Variants in DLG2 observed in about 807,000 individuals in gnomAD.
The protein encoded by DLG2 is discs large MAGUK scaffold protein 2.
Under a neutral mutation model 132.5 loss-of-function variants are expected in DLG2, and 45 were observed. That is an observed-to-expected ratio of 0.34 (90% CI 0.27 to 0.44). The LOEUF is 0.44. Among genes scored for constraint, DLG2 ranks in the 20% least tolerant of loss-of-function variants. The pLI is 1.00. For synonymous variants in DLG2, 424 were observed against 419.6 expected (o/e 1.01, Z -0.13); for missense variants, 1,045 against 1,196.9 (o/e 0.87, Z 1.87).
At chr11:83,997,731 A>T (rs2094122129) in intron 11 of DLG2, among the ~76,000 whole-genome samples, 1 of 6,586 alleles carries the variant, frequency 1.5e-4, no homozygotes. Context: ...ACTCCATCTC[A>T]AAAAAAAAAA....
chr11:84,331,651 A>C (rs968599424), intron 7 of DLG2, among the ~76,000 whole-genome samples: 4 of 151,694 alleles, frequency 2.6e-5, no homozygotes, highest in Non-Finnish European at 5.9e-5. Context: ...TAAAATCCCC[A>C]TGTTGGTGAG....
At chr11:85,065,182 T>C (rs542360084) in intron 6 of DLG2, among the ~76,000 whole-genome samples, 1 of 151,476 alleles carries the variant, frequency 6.6e-6, no homozygotes, top group African/African-American at 2.4e-5. Context: ...TGTGTATCTT[T>C]TGAACACTAC....
At chr11:84,501,857 T>A (rs1300670876) in intron 7 of DLG2, among the ~76,000 whole-genome samples, 1 of 152,054 alleles carries the variant, frequency 6.6e-6, no homozygotes, top group East Asian at 1.9e-4. Context: ...AGAAAAACCA[T>A]GTGAATAAGG....
At chr11:84,741,561 G>A (rs1370635919) in intron 6 of DLG2, among the ~76,000 whole-genome samples, 1 of 151,714 alleles carries the variant, frequency 6.6e-6, no homozygotes, top group Admixed American at 6.6e-5. Flanking sequence ...AACATCACTA[G>A]TGTGAATTAC....
chr11:84,790,837 A>C (rs899006267), intron 6 of DLG2, among the ~76,000 whole-genome samples: 1 of 152,196 alleles, frequency 6.6e-6, no homozygotes, highest in African/African-American at 2.4e-5. Context: ...ATTCATTGAA[A>C]AGACTGTCCT....
chr11:85,442,032 A>C (rs2091805296), intron 3 of DLG2, among the ~76,000 whole-genome samples: 1 of 152,112 alleles, frequency 6.6e-6, no homozygotes, highest in East Asian at 1.9e-4. Context: ...CAGAAGAAAA[A>C]ATCAATGTAA....
intron 18 of DLG2, among the ~76,000 whole-genome samples, chr11:83,708,546 A>G (rs1365403271): frequency 6.6e-6 from 1 of 152,208 alleles, no homozygotes; most frequent in Non-Finnish European, 1.5e-5. Flanking sequence ...ATGATAACAA[A>G]TGTCTTTCAA....
chr11:83,555,579 T>C lies in DLG2; in HGVS notation c.1941-13721A>G, dbSNP rs896228154. Among the ~76,000 whole-genome samples, 7 of 152,138 alleles carry C rather than the reference T, an allele frequency of 4.6e-5. No homozygotes were observed. The East Asian group carries it at 1.4e-3, about 29-fold the overall frequency. ...TGTCTGTTTCTCTCACCAAAATCTA[T>C]GGGCAATGTTTTCAAAATTTTATTA... On this transcript the variant is annotated intron_variant, in intron 19 of 27. Transcript: ENST00000376104.
At chr11:84,144,502 T>G (rs1009781129) in intron 9 of DLG2, among the ~76,000 whole-genome samples, 4 of 152,126 alleles carry the variant, frequency 2.6e-5, no homozygotes, top group Non-Finnish European at 5.9e-5. Flanking sequence ...GAGGCCAGGG[T>G]ATCAATTGGC....
chr11:84,245,090 A>G (rs1398114957), intron 8 of DLG2, among the ~76,000 whole-genome samples: 2 of 152,206 alleles, frequency 1.3e-5, no homozygotes, highest in East Asian at 3.9e-4. Context: ...TGCCATTTAA[A>G]TGTTACTTAA....
intron 15 of DLG2, among the ~76,000 whole-genome samples, chr11:83,886,769 A>C (rs891916464): frequency 5.9e-5 from 9 of 152,228 alleles, no homozygotes; most frequent in Non-Finnish European, 1.3e-4. Context: ...CAGCGCAATC[A>C]AACTAAAACT....
At chr11:84,254,466 G>A (rs1184709371) in intron 7 of DLG2, among the ~76,000 whole-genome samples, 3 of 152,060 alleles carry the variant, frequency 2.0e-5, no homozygotes, top group Non-Finnish European at 4.4e-5. Flanking sequence ...AAAGAATACT[G>A]AGAAATACTT....
chr11:84,420,825 C>T (rs181726453), intron 7 of DLG2, among the ~76,000 whole-genome samples: 12 of 151,300 alleles, frequency 7.9e-5, no homozygotes, highest in Admixed American at 2.6e-4. Flanking sequence ...TGCGCCACCA[C>T]GCCCGGCTAA....
At chr11:84,912,142 A>AATTT (rs142345341) in intron 6 of DLG2, among the ~76,000 whole-genome samples, 41,285 of 151,262 alleles carry the variant, frequency 0.27, 6,373 homozygotes, top group South Asian at 0.46. Context: ...TGGCTTTCAC[A>AATTT]ATTTATTTAT....
chr11:85,313,807 C>T (rs1056846312), intron 3 of DLG2, among the ~76,000 whole-genome samples: 3 of 151,716 alleles, frequency 2.0e-5, no homozygotes, highest in Non-Finnish European at 1.5e-5. Flanking sequence ...AACTCTTGAG[C>T]AATAACTGCA....
At position 84,099,020 on chromosome 11, in the gene DLG2, C is replaced by A. The variant is rs747382706; in HGVS notation, c.652G>T (p.Ala218Ser). 7.4e-6 allele frequency: 12 copies of A among 1,613,034 alleles called. No individual in the cohort carries two copies. Among genetic ancestry groups the A allele is most frequent in the South Asian group, 6.6e-5 (6 of 91,074 alleles). The change falls in exon 10 of 28, where the codon GCT (alanine) becomes TCT (serine). Residue 218 changes from alanine (A) to serine (S), a missense_variant. Coordinates refer to ENST00000376104, the MANE Select transcript of DLG2 (RefSeq NM_001142699.3). ...ATGTGGGGATTATCTGTCCCCCCAGCAATACTGAATCCCAGGCCAGAATTC... is the reference window on the plus strand; with the variant it reads ...ATGTGGGGATTATCTGTCCCCCCAGAAATACTGAATCCCAGGCCAGAATTC... ...RGNSGLGFSI[A>S]GGTDNPHIGD...
intron 17 of DLG2, among the ~76,000 whole-genome samples, chr11:83,802,012 A>G (rs1045734941): frequency 6.6e-6 from 1 of 152,052 alleles, no homozygotes; most frequent in African/African-American, 2.4e-5. Context: ...TAGGGGGAGA[A>G]TGGTTGATGA....
chr11:85,030,950 C>A (rs1054111395), intron 6 of DLG2, among the ~76,000 whole-genome samples: 1 of 151,726 alleles, frequency 6.6e-6, no homozygotes, highest in Non-Finnish European at 1.5e-5. Context: ...TTTTTAAAAT[C>A]TTTTAAATTT....
At chr11:84,270,757 G>A (rs184511116) in intron 7 of DLG2, among the ~76,000 whole-genome samples, 1 of 152,102 alleles carries the variant, frequency 6.6e-6, no homozygotes, top group Admixed American at 6.5e-5. Flanking sequence ...ACCTTTTCAG[G>A]TCAATTCTCC....
Sources: allele counts gnomAD v4.1 joint callset (sites outside exome capture counted in the v4.1 genomes callset), GRCh38; gene constraint gnomAD v4.1.1; transcripts MANE v1.5; gene names NCBI Gene and HGNC (gene_info 2026-07-23, HGNC 2026-07-21).